CAMK2B: variants seen among roughly 807,000 people sequenced by gnomAD.
CAMK2B encodes calcium/calmodulin dependent protein kinase II beta, also known as calcium/calmodulin-dependent protein kinase type II subunit beta.
A neutral mutation model predicts 93.7 loss-of-function variants in CAMK2B; 27 were observed. That is an observed-to-expected ratio of 0.29 (90% CI 0.21 to 0.40). The LOEUF (loss-of-function observed/expected upper bound fraction) is 0.40. CAMK2B is among the 10% of genes least tolerant of loss of function. The pLI is 1.00. For missense variants in CAMK2B, 568 were observed against 895.8 expected (o/e 0.63, Z 4.67); for synonymous variants, 374 against 358.8 (o/e 1.04, Z -0.48).
chr7:44,289,837 T>C (rs1254086353), intron 1 of CAMK2B, among the ~76,000 whole-genome samples: 2 of 152,226 alleles, frequency 1.3e-5, no homozygotes, highest in African/African-American at 2.4e-5. Flanking sequence ...CAAAGCGGCC[T>C]CTGAGTCGGC....
At chr7:44,324,434 C>G (rs943059997) in intron 1 of CAMK2B, among the ~76,000 whole-genome samples, 2 of 152,118 alleles carry the variant, frequency 1.3e-5, no homozygotes, top group African/African-American at 2.4e-5. Context: ...CCAGGCCAGA[C>G]AGGAGGCCCC....
At chr7:44,307,262 G>A in intron 1 of CAMK2B, among the ~76,000 whole-genome samples, 1 of 141,472 alleles carries the variant, frequency 7.1e-6, no homozygotes, top group Non-Finnish European at 1.5e-5. Context: ...AAGAGGGTGT[G>A]AGCAAGGGGA....
At chr7:44,246,216 T>C (rs2096728092) in intron 6 of CAMK2B, among the ~76,000 whole-genome samples, 1 of 152,114 alleles carries the variant, frequency 6.6e-6, no homozygotes, top group Non-Finnish European at 1.5e-5. Flanking sequence ...TGTGTCCTCA[T>C]CTGCCACAGT....
At chr7:44,253,872 A>G (rs60936264) in intron 5 of CAMK2B, among the ~76,000 whole-genome samples, 2,978 of 149,290 alleles carry the variant, frequency 0.02, 88 homozygotes, top group African/African-American at 0.067. Context: ...TGTTAGGATT[A>G]CAGGTGTGAG....
intron 19 of CAMK2B, 52 bp downstream of exon 19, chr7:44,228,744 C>A: frequency 1.4e-6 from 2 of 1,412,586 alleles, no homozygotes; most frequent in Non-Finnish European, 1.9e-6. Context: ...GCCGGCCATT[C>A]GCAGGGAGCT....
intron 17 of CAMK2B, 135 bp from the exon 18 acceptor site, chr7:44,229,636 T>TG (rs1301059017): frequency 5.2e-6 from 1 of 191,642 alleles, no homozygotes; most frequent in African/African-American, 1.4e-4. Context: ...GGGGTGGAGG[T>TG]GGGGTGGCCA....
chr7:44,289,386 C>T lies in CAMK2B; in HGVS notation c.66-5161G>A, dbSNP rs139060816. Among the ~76,000 whole-genome samples the T allele has an allele frequency of 4.6e-5, 7 of 152,328 alleles. No individual in the cohort carries two copies. The East Asian group carries it at 1.4e-3, about 29-fold the overall frequency. On this transcript the variant is annotated intron_variant, in intron 1 of 23. Coordinates refer to ENST00000395749, the MANE Select transcript of CAMK2B (RefSeq NM_001220.5). ...AGCAGGAAGGAAATTTCGCCTTGCC[C>T]CCAGCAGGACCACACAACAGCCCCT...
intron 1 of CAMK2B, among the ~76,000 whole-genome samples, chr7:44,319,767 G>A (rs866138304): frequency 6.6e-6 from 1 of 152,284 alleles, no homozygotes; most frequent in Middle Eastern, 3.4e-3. Flanking sequence ...TTTAAAAAAT[G>A]TGGCCAACGC....
intron 1 of CAMK2B, among the ~76,000 whole-genome samples, chr7:44,309,364 T>C (rs928513533): frequency 6.6e-6 from 1 of 152,172 alleles, no homozygotes; most frequent in East Asian, 1.9e-4. Context: ...GCCACTGAGC[T>C]CTCAGGACGG....
chr7:44,224,279 T>C lies in CAMK2B; in HGVS notation c.1597+2237A>G, dbSNP rs371929322. Among the ~76,000 whole-genome samples, 5 of 152,124 alleles carry C rather than the reference T, an allele frequency of 3.3e-5. No individual in the cohort carries two copies. The East Asian group carries it at 7.7e-4, about 23-fold the overall frequency. ...CCCCAGCTCAACCCAGCCCCCACTCTGCCTCCCCACATAGCACATGGGAGC... is the reference window on the plus strand; with the variant it reads ...CCCCAGCTCAACCCAGCCCCCACTCCGCCTCCCCACATAGCACATGGGAGC... On this transcript the variant is annotated intron_variant, in intron 20 of 23. Transcript: ENST00000395749. The surrounding 1 kb of genome is among the most constrained non-coding windows in gnomAD (Gnocchi z 4.4).
chr7:44,320,391 G>A (rs946607089), intron 1 of CAMK2B, among the ~76,000 whole-genome samples: 23 of 152,094 alleles, frequency 1.5e-4, no homozygotes, highest in African/African-American at 5.3e-4. Context: ...AATAGAGTAG[G>A]GTAATGAGCT....
intron 20 of CAMK2B, among the ~76,000 whole-genome samples, chr7:44,221,581 G>A (rs536135449): frequency 2.4e-4 from 36 of 152,350 alleles, no homozygotes; most frequent in Non-Finnish European, 4.7e-4. Flanking sequence ...CTTGTTCCCC[G>A]CTTTTCTCAT....
chr7:44,258,440 CG>C (rs1308895940), intron 4 of CAMK2B, among the ~76,000 whole-genome samples: 1 of 152,248 alleles, frequency 6.6e-6, no homozygotes, highest in Non-Finnish European at 1.5e-5. Context: ...TACAGGTGCA[CG>C]TGCTCACATT....
intron 1 of CAMK2B, among the ~76,000 whole-genome samples, chr7:44,293,782 CCTG>C (rs992489024): frequency 2.6e-5 from 4 of 152,180 alleles, no homozygotes; most frequent in African/African-American, 9.7e-5. Context: ...TGGCTCGTCT[CCTG>C]CTGTGTAGCC....
intron 14 of CAMK2B, 81 bp from the exon 15 acceptor site, chr7:44,234,542 G>T: frequency 4.4e-6 from 7 of 1,586,006 alleles, no homozygotes; most frequent in South Asian, 1.1e-5. Context: ...CTCAGGGCAT[G>T]GGGGGAGGGG....
intron 2 of CAMK2B, among the ~76,000 whole-genome samples, chr7:44,274,152 C>A (rs1402061920): frequency 2.6e-5 from 4 of 152,178 alleles, no homozygotes; most frequent in Admixed American, 1.3e-4. Flanking sequence ...CCTCAATAAA[C>A]CCTCCATGAC....
At chr7:44,247,599 C>T (rs1243460378) in intron 5 of CAMK2B, among the ~76,000 whole-genome samples, 3 of 152,260 alleles carry the variant, frequency 2.0e-5, no homozygotes, top group South Asian at 4.1e-4. Context: ...AAAACCAAGG[C>T]AGGGAAGGGT....
rs762023066 is a variant in CAMK2B, at chr7:44,226,510, A to G, written c.1597+6T>C. ...CGCTGCCACGGCCACTCAAGGTGCTACTTACATGGGGTGGGCAGGGGGCCA... is the reference window on the plus strand; with the variant it reads ...CGCTGCCACGGCCACTCAAGGTGCTGCTTACATGGGGTGGGCAGGGGGCCA... On this transcript the variant is annotated splice_donor_region_variant and intron_variant, in intron 20 of 23. Transcript: ENST00000395749. 3 of 1,423,684 alleles carry G rather than the reference A, an allele frequency of 2.1e-6. No homozygotes were observed. Among genetic ancestry groups the G allele is most frequent in the East Asian group, 5.5e-5 (2 of 36,214 alleles). 88.2% of individuals were successfully genotyped at this position (1,423,684 alleles called of 1,614,324 possible).
At chr7:44,305,172 C>T (rs993394990) in intron 1 of CAMK2B, among the ~76,000 whole-genome samples, 8 of 152,178 alleles carry the variant, frequency 5.3e-5, no homozygotes, top group Admixed American at 2.0e-4. Flanking sequence ...TACCCACCTA[C>T]GCATGGCCCT....
Sources: gnomAD v4.1 joint callset for allele counts (sites outside exome capture counted in the v4.1 genomes callset) on GRCh38, gnomAD v4.1.1 for gene constraint, Gnocchi (gnomAD v3.1) non-coding constraint, MANE v1.5 for transcripts, NCBI Gene and HGNC (gene_info 2026-07-23, HGNC 2026-07-21) for gene names.